Variants in SMARCAD1 observed in about 807,000 individuals in gnomAD.
SMARCAD1 encodes SNF2 related chromatin remodeling ATPase with DExD box 1.
A neutral mutation model predicts 127.1 loss-of-function variants in SMARCAD1; 25 were observed. The observed-to-expected ratio is 0.20, with a 90% confidence interval of 0.14 to 0.27. SMARCAD1 has a LOEUF of 0.27. Among genes scored for constraint, SMARCAD1 ranks in the 10% least tolerant of loss-of-function variants. The pLI, the probability that SMARCAD1 is intolerant of heterozygous loss-of-function variation, is 1.00. For synonymous variants in SMARCAD1, 400 were observed against 396.9 expected, an observed-to-expected ratio of 1.01 and a Z score of -0.09; for missense variants, 807 against 1,206.0, an observed-to-expected ratio of 0.67 and a Z score of 4.90.
At chr4:94,223,852 A>AT (rs1213336548) in intron 2 of SMARCAD1, among the ~76,000 whole-genome samples, 1 of 148,752 alleles carries the variant, frequency 6.7e-6, no homozygotes, top group Non-Finnish European at 1.5e-5. Flanking sequence ...AAGTTCTGGG[A>AT]TTATAGGTGT....
At chr4:94,208,186 CCTT>C (rs374018687) in intron 1 of SMARCAD1, 116 bp downstream of exon 1, 22 of 702,492 alleles carry the variant, frequency 3.1e-5, no homozygotes, top group South Asian at 1.6e-4. Context: ...CCCCCGTCCA[CCTT>C]CTAATTGTTG....
Position 94,278,952 on chromosome 4 carries a change from G to A in SMARCAD1, c.2320G>A (p.Val774Ile), listed in dbSNP as rs778305458. Residue 774 changes from valine to isoleucine, a missense_variant, in exon 19 of 24, where the codon GTC (valine) becomes ATC (isoleucine). Val to Ile is a conservative substitution (Grantham distance 29). Around this residue, in one of 8 missense-constraint regions of SMARCAD1, gnomAD observed 99 missense variants for 126.0 expected, o/e 0.79. Coordinates refer to ENST00000354268, the MANE Select transcript of SMARCAD1 (RefSeq NM_020159.5). ...NLEKNTEMCNVMMQLRKMANH... is the reference protein window; with the variant it reads ...NLEKNTEMCNIMMQLRKMANH... ...AGAAAAAAACACAGAAATGTGCAAT[G>A]TCATGATGCAGTTGAGGAAAATGGC... 6.2e-7 allele frequency: 1 copy of A among 1,614,008 alleles called. No homozygotes were observed. The highest frequency in any genetic ancestry group is 1.7e-5 in the Admixed American group (1 of 60,002).
intron 5 of SMARCAD1, among the ~76,000 whole-genome samples, chr4:94,239,513 A>G (rs867354443): frequency 6.6e-6 from 1 of 151,362 alleles, no homozygotes; most frequent in African/African-American, 2.4e-5. Flanking sequence ...AGAAGATAAG[A>G]GTACGAATTT....
rs185911709 is a variant in SMARCAD1, at chr4:94,221,444, A to T, written c.191-4675A>T. ...CTGTCAAGTTTGGGTTTAGTATCAA[A>T]GAAAAATATTCACAATAATCTAAAA... is the stretch of plus-strand genomic sequence containing the variant. On this transcript the variant is annotated intron_variant, in intron 2 of 23. Transcript: ENST00000354268. 1.4e-4 allele frequency among the ~76,000 whole-genome samples: 22 copies of T among 152,364 alleles called. No individual in the cohort carries two copies. In the East Asian group the frequency reaches 4.2e-3, roughly 29 times the overall value.
rs377367893 is a variant in SMARCAD1, at chr4:94,271,311, G to A, written c.1572+493G>A. On this transcript the variant is annotated intron_variant, in intron 11 of 23. Coordinates refer to ENST00000354268, the MANE Select transcript of SMARCAD1 (RefSeq NM_020159.5). ...TTTCAGCTATTTTATTTTTATTAGC[G>A]GTCTCTCCGGGTCTCTGTTCTTTCT... Among the ~76,000 whole-genome samples, 75 of 152,114 alleles carry A rather than the reference G, an allele frequency of 4.9e-4. 1 individual carries two copies. Among genetic ancestry groups the A allele is most frequent in the Middle Eastern group, 3.4e-3 (1 of 294 alleles).
chr4:94,275,627 G>T (rs28548547), intron 14 of SMARCAD1, among the ~76,000 whole-genome samples: 1 of 151,844 alleles, frequency 6.6e-6, no homozygotes, highest in Non-Finnish European at 1.5e-5. Flanking sequence ...GATCTAATCT[G>T]CTAGTTTAAT....
chr4:94,220,494 C>T (rs962108388), intron 2 of SMARCAD1, among the ~76,000 whole-genome samples: 15 of 152,218 alleles, frequency 9.9e-5, no homozygotes, highest in African/African-American at 2.6e-4. Flanking sequence ...GTGATCTGCC[C>T]GTCTCGGCCT....
intron 4 of SMARCAD1, 112 bp downstream of exon 4, chr4:94,234,234 A>G (rs1746288227): frequency 7.2e-6 from 7 of 974,978 alleles, no homozygotes; most frequent in Non-Finnish European, 1.1e-5. Flanking sequence ...GTTTGAAGAT[A>G]TTAACTATTA....
chr4:94,233,558 A>G (rs1209922070), intron 3 of SMARCAD1, among the ~76,000 whole-genome samples: 2 of 152,156 alleles, frequency 1.3e-5, no homozygotes, highest in African/African-American at 4.8e-5. Flanking sequence ...AAATTACTTT[A>G]TCTTTGTATC....
chr4:94,284,592 G>GT (rs1340725866), intron 22 of SMARCAD1, among the ~76,000 whole-genome samples: 1,721 of 124,976 alleles, frequency 0.014, 33 homozygotes, highest in African/African-American at 0.05. Flanking sequence ...TTTTTTTTTC[G>GT]TTTTTTTTTT....
At chr4:94,253,740 T>C in intron 9 of SMARCAD1, 1 of 940,916 alleles carries the variant, frequency 1.1e-6, no homozygotes, top group Non-Finnish European at 1.3e-6. Context: ...ACAGAATACC[T>C]GCATTTTGAG....
At chr4:94,253,856 A>C (rs1436022715) in intron 9 of SMARCAD1, among the ~76,000 whole-genome samples, 1 of 152,184 alleles carries the variant, frequency 6.6e-6, no homozygotes, top group Non-Finnish European at 1.5e-5. Flanking sequence ...GGAATTGTAT[A>C]TAGGCCTGTT....
chr4:94,209,560 T>C (rs1741860303), intron 2 of SMARCAD1, among the ~76,000 whole-genome samples: 1 of 152,192 alleles, frequency 6.6e-6, no homozygotes, highest in Non-Finnish European at 1.5e-5. Context: ...GTAACACACA[T>C]GTTTATCCTT....
chr4:94,274,294 A>G (rs1010126863), intron 12 of SMARCAD1, among the ~76,000 whole-genome samples: 3 of 152,122 alleles, frequency 2.0e-5, no homozygotes, highest in African/African-American at 7.2e-5. Context: ...TGTGATAAAA[A>G]CAATCGCCAT....
chr4:94,214,986 A>T (rs1007896414), intron 2 of SMARCAD1, among the ~76,000 whole-genome samples: 1 of 152,174 alleles, frequency 6.6e-6, no homozygotes, highest in African/African-American at 2.4e-5. Flanking sequence ...TTGAGTAAAA[A>T]GTCAACTGTT....
intron 10 of SMARCAD1, among the ~76,000 whole-genome samples, chr4:94,270,317 A>T (rs1752370893): frequency 6.6e-6 from 1 of 152,154 alleles, no homozygotes; most frequent in South Asian, 2.1e-4. Context: ...TGGCCAAAGT[A>T]GCAAATTATG....
At chr4:94,241,899 A>C (rs1747629500) in intron 6 of SMARCAD1, among the ~76,000 whole-genome samples, 1 of 152,174 alleles carries the variant, frequency 6.6e-6, no homozygotes, top group African/African-American at 2.4e-5. Context: ...CTGTGGACTT[A>C]ACTGGTGTTC....
intron 4 of SMARCAD1, 79 bp downstream of exon 4, chr4:94,234,201 T>C: frequency 7.9e-7 from 1 of 1,273,418 alleles, no homozygotes; most frequent in Non-Finnish European, 1.1e-6. Context: ...TAGTGGATAG[T>C]CATTTTTCTA....
chr4:94,230,815 T>C (rs951921909), intron 3 of SMARCAD1, among the ~76,000 whole-genome samples: 3 of 152,100 alleles, frequency 2.0e-5, no homozygotes, highest in Non-Finnish European at 2.9e-5. Flanking sequence ...GCTTCAGCAG[T>C]TGAAGAAGGT....
Sources: gnomAD v4.1 joint callset for allele counts (sites outside exome capture counted in the v4.1 genomes callset) on GRCh38, gnomAD v4.1.1 for gene constraint, gnomAD v4.1.1 regional missense constraint, MANE v1.5 for transcripts, NCBI Gene and HGNC (gene_info 2026-07-23, HGNC 2026-07-21) for gene names.